JMJD1C: variants seen among roughly 807,000 people sequenced by gnomAD.
The protein encoded by JMJD1C is jumonji domain-containing protein 1C.
In JMJD1C, 31 loss-of-function variants were observed where a neutral mutation model predicts 245.3. The ratio of observed to expected loss-of-function variants is 0.13; its 90% confidence interval spans 0.09 to 0.17. The LOEUF (loss-of-function observed/expected upper bound fraction) is 0.17, where lower values mean the gene tolerates loss of function less well. Ranked by LOEUF, JMJD1C falls within the 10% of genes least tolerant of loss-of-function variation. The pLI is 1.00. For synonymous variants in JMJD1C, 1,057 were observed against 1,017.4 expected, an observed-to-expected ratio of 1.04 and a Z score of -0.74; for missense variants, 2,691 against 3,000.2, an observed-to-expected ratio of 0.90 and a Z score of 2.41.
At chr10:63,411,427 T>C (rs1203156738) in intron 1 of JMJD1C, among the ~76,000 whole-genome samples, 3 of 150,924 alleles carry the variant, frequency 2.0e-5, no homozygotes, top group African/African-American at 7.3e-5. Flanking sequence ...GCCTCCTGAA[T>C]AGCTGGGATT....
At chr10:63,241,655 G>A (rs753823004) in intron 3 of JMJD1C, among the ~76,000 whole-genome samples, 1 of 151,890 alleles carries the variant, frequency 6.6e-6, no homozygotes, top group Non-Finnish European at 1.5e-5. Context: ...TTGCTTTAGG[G>A]CCTATCCATT....
intron 2 of JMJD1C, among the ~76,000 whole-genome samples, chr10:63,311,041 T>C (rs949141409): frequency 2.6e-5 from 4 of 151,708 alleles, no homozygotes; most frequent in African/African-American, 9.7e-5. Context: ...ACTGGAGAGA[T>C]GTATGAGAAT....
At position 63,254,925 on chromosome 10, in the gene JMJD1C, C is replaced by A. The variant is rs141539649; in HGVS notation, c.447+9726G>T. Among the ~76,000 whole-genome samples the A allele has an allele frequency of 2.2e-3, 329 of 151,926 alleles. 2 individuals carry two copies. Among genetic ancestry groups the A allele is most frequent in the African/African-American group, 7.5e-3 (312 of 41,402 alleles). ...CTCAAGTGCAGTGGCGAGACCATGGCTCACTGTAGCCTCAACCTCCTGGGC... is the reference window on the plus strand; with the variant it reads ...CTCAAGTGCAGTGGCGAGACCATGGATCACTGTAGCCTCAACCTCCTGGGC... On this transcript the variant is annotated intron_variant, in intron 3 of 25. Coordinates refer to ENST00000399262, the MANE Select transcript of JMJD1C (RefSeq NM_032776.3).
chr10:63,485,446 AAAG>A (rs978095408), intron 1 of JMJD1C, among the ~76,000 whole-genome samples: 1 of 152,216 alleles, frequency 6.6e-6, no homozygotes, highest in African/African-American at 2.4e-5. Context: ...AAAAAAAAGA[AAAG>A]AAAGAGAAAA....
At chr10:63,189,039 T>A in intron 18 of JMJD1C, 129 bp downstream of exon 18, 1 of 719,654 alleles carries the variant, frequency 1.4e-6, no homozygotes, top group Non-Finnish European at 2.1e-6. Flanking sequence ...TACTTTTATA[T>A]CTTATTGTCC....
At chr10:63,369,135 TTCTTTC>T (rs1396647513) in intron 2 of JMJD1C, among the ~76,000 whole-genome samples, 1 of 151,976 alleles carries the variant, frequency 6.6e-6, no homozygotes, top group Non-Finnish European at 1.5e-5. Context: ...TCTTCCTGTT[TTCTTTC>T]TCTTTCTCTC....
rs1450318724 is a variant in JMJD1C at position 63,209,121 on chromosome 10, T to C, written c.2809A>G (p.Lys937Glu). ...PSSAEPHRPLKITAHSSPPLT... is the reference protein window; with the variant it reads ...PSSAEPHRPLEITAHSSPPLT... Reference sequence around the variant, plus strand: ...GGTGGACTGGAATGGGCTGTAATTTTAAGAGGCCGATGAGGCTCTGCACTG... The same window carrying C: ...GGTGGACTGGAATGGGCTGTAATTTCAAGAGGCCGATGAGGCTCTGCACTG... Residue 937 changes from lysine (K) to glutamate (E), a missense_variant, in exon 9 of 26, where the codon AAA becomes GAA. Lys to Glu is a moderately conservative substitution (Grantham distance 56). Around this residue, in one of 9 missense-constraint regions of JMJD1C, gnomAD observed 1,562 missense variants for 1,490.7 expected, o/e 1.05. Coordinates refer to ENST00000399262, the MANE Select transcript of JMJD1C (RefSeq NM_032776.3). The C allele has an allele frequency of 6.2e-7, 1 of 1,613,876 alleles. No individual in the cohort carries two copies. Among genetic ancestry groups the C allele is most frequent in the Non-Finnish European group, 8.5e-7 (1 of 1,179,898 alleles).
At chr10:63,255,420 G>A (rs946425249) in intron 3 of JMJD1C, among the ~76,000 whole-genome samples, 2 of 152,180 alleles carry the variant, frequency 1.3e-5, no homozygotes, top group African/African-American at 4.8e-5. Flanking sequence ...CTAGTGTTAT[G>A]AGAAGCAGTA....
chr10:63,460,641 C>T (rs74137763), intron 1 of JMJD1C, among the ~76,000 whole-genome samples: 3,299 of 152,062 alleles, frequency 0.022, 115 homozygotes, highest in African/African-American at 0.074. Flanking sequence ...ATGCTAGGTA[C>T]GGTACTAAAT....
At chr10:63,185,177 C>T (rs1160838126) in intron 20 of JMJD1C, among the ~76,000 whole-genome samples, 3 of 152,244 alleles carry the variant, frequency 2.0e-5, no homozygotes, top group African/African-American at 4.8e-5. Flanking sequence ...GTCACCCAGG[C>T]TGGAGTTCAG....
At chr10:63,437,386 C>G (rs1951116794) in intron 1 of JMJD1C, among the ~76,000 whole-genome samples, 1 of 152,160 alleles carries the variant, frequency 6.6e-6, no homozygotes, top group African/African-American at 2.4e-5. Context: ...TCTTACCTCT[C>G]TCTCACTACC....
At chr10:63,420,066 G>T (rs1166712279) in intron 1 of JMJD1C, among the ~76,000 whole-genome samples, 1 of 151,448 alleles carries the variant, frequency 6.6e-6, no homozygotes, top group African/African-American at 2.4e-5. Context: ...AACCCGGGAG[G>T]CAGAAGCTGC....
intron 2 of JMJD1C, among the ~76,000 whole-genome samples, chr10:63,318,895 A>G (rs1178006056): frequency 6.6e-6 from 1 of 152,160 alleles, no homozygotes; most frequent in African/African-American, 2.4e-5. Flanking sequence ...TAAGGTTTGA[A>G]AAACCTTCTG....
At chr10:63,204,586 C>T (rs1564600115) in intron 10 of JMJD1C, 4 of 985,386 alleles carry the variant, frequency 4.1e-6, no homozygotes, top group South Asian at 4.7e-5. Flanking sequence ...AAATTGCTCA[C>T]ACTAAGCCTA....
chr10:63,392,869 C>CAT (rs1156332396), intron 1 of JMJD1C, among the ~76,000 whole-genome samples: 1 of 83,558 alleles, frequency 1.2e-5, no homozygotes, highest in Non-Finnish European at 2.3e-5. Flanking sequence ...AGTACATAAA[C>CAT]ACACACACAC....
chr10:63,378,749 A>C (rs1020912693), intron 2 of JMJD1C, among the ~76,000 whole-genome samples: 51 of 152,302 alleles, frequency 3.3e-4, no homozygotes, highest in Non-Finnish European at 5.9e-4. Flanking sequence ...AATTTCTCAT[A>C]AATTGTATCC....
chr10:63,432,345 C>T (rs1950808944), intron 1 of JMJD1C, among the ~76,000 whole-genome samples: 1 of 152,286 alleles, frequency 6.6e-6, no homozygotes, highest in Non-Finnish European at 1.5e-5. Context: ...CCCTAGTGTC[C>T]TCCTTACTTG....
intron 3 of JMJD1C, among the ~76,000 whole-genome samples, chr10:63,223,379 C>T (rs1172317723): frequency 6.6e-6 from 1 of 151,940 alleles, no homozygotes; most frequent in Non-Finnish European, 1.5e-5. Flanking sequence ...AGGCGCATAC[C>T]ACCATGCACA....
At position 63,183,441 on chromosome 10, in the gene JMJD1C, G is replaced by C. The variant is rs1230033826; in HGVS notation, c.7084+6C>G. 1 of 1,604,858 alleles carries C rather than the reference G, an allele frequency of 6.2e-7. No homozygotes were observed. The highest frequency in any genetic ancestry group is 1.1e-5 in the South Asian group (1 of 90,126). On this transcript the variant is annotated splice_donor_region_variant and intron_variant, in intron 22 of 25. Coordinates refer to ENST00000399262, the MANE Select transcript of JMJD1C (RefSeq NM_032776.3). ...TTTCAAAGACTACTTATTCTTTTAA[G>C]TTTACCTGCTTTTGAGAGAATGCCA... is the stretch of plus-strand genomic sequence containing the variant.
Sources: allele counts gnomAD v4.1 joint callset (sites outside exome capture counted in the v4.1 genomes callset), GRCh38; gene constraint gnomAD v4.1.1; regional missense constraint gnomAD v4.1.1; transcripts MANE v1.5; gene names NCBI Gene and HGNC (gene_info 2026-07-23, HGNC 2026-07-21).